The following FAT3 variants were observed in gnomAD, a reference collection of about 807,000 sequenced individuals.
FAT3 encodes FAT atypical cadherin 3.
FAT3 carries 95 observed loss-of-function variants against 310.2 expected under a neutral mutation model. That is an observed-to-expected ratio of 0.31 (90% confidence interval 0.26 to 0.36). The LOEUF (loss-of-function observed/expected upper bound fraction) is 0.36, where lower values mean the gene tolerates loss of function less well. Among genes scored for constraint, FAT3 ranks in the 10% least tolerant of loss-of-function variants. The probability of loss-of-function intolerance (pLI) is 1.00; values close to 1 mark genes in which losing one functional copy is unlikely to be tolerated. For missense variants in FAT3, 5,408 were observed against 5,715.6 expected (o/e 0.95, Z 1.74); for synonymous variants, 2,314 against 2,192.9 (o/e 1.06, Z -1.54).
chr11:92,741,077 G>A (rs544540960), intron 4 of FAT3, among the ~76,000 whole-genome samples: 345 of 152,248 alleles, frequency 2.3e-3, no homozygotes, highest in Non-Finnish European at 4.3e-3. Context: ...GTCTCACTCT[G>A]TCACCCAGGC....
chr11:92,762,420 T>A (rs1188425922), intron 5 of FAT3, among the ~76,000 whole-genome samples: 2 of 152,116 alleles, frequency 1.3e-5, no homozygotes, highest in Non-Finnish European at 2.9e-5. Flanking sequence ...CACAGCCTGT[T>A]TCACCACATA....
intron 3 of FAT3, among the ~76,000 whole-genome samples, chr11:92,645,997 T>C (rs1314453979): frequency 3.9e-5 from 6 of 152,252 alleles, no homozygotes; most frequent in African/African-American, 1.4e-4. Flanking sequence ...AAATAGCCTC[T>C]GGATGCTTAT....
At chr11:92,310,908 G>A (rs1346894266) in intron 1 of FAT3, among the ~76,000 whole-genome samples, 1 of 151,698 alleles carries the variant, frequency 6.6e-6, no homozygotes, top group Non-Finnish European at 1.5e-5. Context: ...TGAGCGTAGG[G>A]TACAACCAGA....
chr11:92,396,006 G>A (rs973403715), intron 2 of FAT3, among the ~76,000 whole-genome samples: 4 of 152,040 alleles, frequency 2.6e-5, no homozygotes, highest in African/African-American at 7.2e-5. Flanking sequence ...GGAGAAATTA[G>A]TGTTTTACCC....
chr11:92,726,623 T>A (rs934456493), intron 4 of FAT3, among the ~76,000 whole-genome samples: 2 of 152,092 alleles, frequency 1.3e-5, no homozygotes, highest in Admixed American at 1.3e-4. Flanking sequence ...TTTAACATGT[T>A]GCCAGAAGCA....
chr11:92,428,270 C>A (rs1555043272), intron 2 of FAT3, among the ~76,000 whole-genome samples: 1 of 145,380 alleles, frequency 6.9e-6, no homozygotes, highest in Non-Finnish European at 1.5e-5. Flanking sequence ...CTGTTTTCTT[C>A]TTTGTTAGTC....
At chr11:92,527,303 G>T (rs1216182054) in intron 3 of FAT3, among the ~76,000 whole-genome samples, 1 of 152,156 alleles carries the variant, frequency 6.6e-6, no homozygotes, top group Non-Finnish European at 1.5e-5. Context: ...TCTCTTAAAT[G>T]TAGTTTTTAG....
rs564958996 is a variant in FAT3 at position 92,681,020 on chromosome 11, G to A, written c.3608-16364G>A. Among the ~76,000 whole-genome samples the A allele has an allele frequency of 3.9e-5, 6 of 152,300 alleles. No individual in the cohort carries two copies. In the South Asian group the frequency reaches 1.2e-3, roughly 32 times the overall value. ...AGCATGCAGAATATTTAAATGCAAG[G>A]ACAGGAGGGCTTCAGCAATGTTTGG... is the stretch of plus-strand genomic sequence containing the variant. On this transcript the variant is annotated intron_variant, in intron 3 of 27. Coordinates refer to ENST00000525166, the MANE Select transcript of FAT3 (RefSeq NM_001367949.2).
chr11:92,408,249 C>T (rs1340765409), intron 2 of FAT3: 1 of 152,174 alleles, frequency 6.6e-6, no homozygotes, highest in Non-Finnish European at 1.5e-5. Context: ...CAGACCAAGA[C>T]CCCACTCTTA....
At chr11:92,639,227 C>T (rs1941872368) in intron 3 of FAT3, among the ~76,000 whole-genome samples, 1 of 152,170 alleles carries the variant, frequency 6.6e-6, no homozygotes, top group Admixed American at 6.6e-5. Flanking sequence ...TCTAGGATCT[C>T]CAGGGCTTCA....
intron 13 of FAT3, among the ~76,000 whole-genome samples, chr11:92,829,138 G>A (rs1948174187): frequency 6.6e-6 from 1 of 152,202 alleles, no homozygotes; most frequent in South Asian, 2.1e-4. Flanking sequence ...TCCCTAAGGA[G>A]ATTGGGCAAA....
intron 3 of FAT3, among the ~76,000 whole-genome samples, chr11:92,605,473 A>C (rs1448979558): frequency 1.3e-5 from 2 of 152,172 alleles, no homozygotes; most frequent in Non-Finnish European, 2.9e-5. Flanking sequence ...CCCTAGGATA[A>C]GTAATTATTT....
At chr11:92,631,205 G>C (rs925181496) in intron 3 of FAT3, among the ~76,000 whole-genome samples, 2 of 152,154 alleles carry the variant, frequency 1.3e-5, no homozygotes, top group African/African-American at 4.8e-5. Flanking sequence ...GAGTTCCTCA[G>C]ACTTGTGTAT....
At chr11:92,516,617 T>C (rs1430867607) in intron 2 of FAT3, among the ~76,000 whole-genome samples, 2 of 152,002 alleles carry the variant, frequency 1.3e-5, no homozygotes, top group African/African-American at 4.8e-5. Flanking sequence ...CTATTCAACA[T>C]AGTATTGGAA....
At chr11:92,443,801 AG>A (rs1445187695) in intron 2 of FAT3, among the ~76,000 whole-genome samples, 2 of 152,132 alleles carry the variant, frequency 1.3e-5, no homozygotes, top group African/African-American at 4.8e-5. Flanking sequence ...AGGAGGAGGT[AG>A]GAGGAGGAGT....
intron 1 of FAT3, among the ~76,000 whole-genome samples, chr11:92,237,222 A>T (rs1346093569): frequency 1.3e-5 from 2 of 152,182 alleles, no homozygotes; most frequent in Non-Finnish European, 2.9e-5. Context: ...CAGAGAGTTA[A>T]TTCACAGTTC....
chr11:92,586,239 A>G (rs192429002), intron 3 of FAT3, among the ~76,000 whole-genome samples: 104 of 152,152 alleles, frequency 6.8e-4, no homozygotes, highest in African/African-American at 2.5e-3. Context: ...ATCTGTGTGT[A>G]TTTATATAAA....
Position 92,800,202 on chromosome 11 carries a change from C to CTCA in FAT3, c.7191_7193dup (p.Ile2398dup). The CTCA allele has an allele frequency of 6.2e-7, 1 of 1,614,006 alleles. No homozygotes were observed. The highest frequency in any genetic ancestry group is 8.5e-7 in the Non-Finnish European group (1 of 1,179,876). On this transcript the variant is annotated inframe_insertion, in exon 10 of 28. Transcript: ENST00000525166. ...TGACAACCCTCCAGTTTTTAATCAG[C>CTCA]TCATTTATGAGTCATATGTGAGTGA...
chr11:92,586,855 G>C (rs1782538960), intron 3 of FAT3, among the ~76,000 whole-genome samples: 1 of 151,872 alleles, frequency 6.6e-6, no homozygotes, highest in Non-Finnish European at 1.5e-5. Context: ...TCTCTGAACT[G>C]CTTTTGTTAA....
Sources: gnomAD v4.1 joint callset for allele counts (sites outside exome capture counted in the v4.1 genomes callset) on GRCh38, gnomAD v4.1.1 for gene constraint, MANE v1.5 for transcripts, NCBI Gene and HGNC (gene_info 2026-07-23, HGNC 2026-07-21) for gene names.